The following CNTLN variants were observed in gnomAD, a reference collection of about 807,000 sequenced individuals.
CNTLN encodes centlein.
In CNTLN, 212 loss-of-function variants were observed where a neutral mutation model predicts 180.0. That is an observed-to-expected ratio of 1.18 (90% CI 1.05 to 1.32). The LOEUF (loss-of-function observed/expected upper bound fraction) is 1.32. CNTLN is among the 40% of genes most tolerant of loss of function. The probability of loss-of-function intolerance (pLI) is 0.00; values close to 1 mark genes in which losing one functional copy is unlikely to be tolerated. For missense variants in CNTLN, 2,095 were observed against 1,610.9 expected (o/e 1.30, Z -5.14); for synonymous variants, 722 against 563.1 (o/e 1.28, Z -3.99).
At chr9:17,512,979 G>C in the CNTLN span, among the ~76,000 whole-genome samples, 2 of 152,030 alleles carry the variant, frequency 1.3e-5, no homozygotes, top group African/African-American at 4.8e-5. Flanking sequence ...ACTATGCCCA[G>C]CTAATTTTTT....
intron 6 of CNTLN, among the ~76,000 whole-genome samples, chr9:17,274,465 C>CTGTCTATG (rs764538609): frequency 2.5e-3 from 350 of 141,328 alleles, no homozygotes; most frequent in East Asian, 5.7e-3. Flanking sequence ...ATCTATCTAT[C>CTGTCTATG]TATCTATCTA....
At chr9:17,445,279 G>A (rs2134071097) in intron 18 of CNTLN, among the ~76,000 whole-genome samples, 1 of 152,140 alleles carries the variant, frequency 6.6e-6, no homozygotes, top group East Asian at 1.9e-4. Flanking sequence ...GAAATTCCCT[G>A]ACTGGCTTTC....
chr9:17,352,597 T>C (rs1291046429), intron 12 of CNTLN, among the ~76,000 whole-genome samples: 1 of 152,088 alleles, frequency 6.6e-6, no homozygotes, highest in African/African-American at 2.4e-5. Flanking sequence ...AGCATAGAAT[T>C]CAGTGGCATT....
chr9:17,468,975 G>A (rs571845245), intron 23 of CNTLN, among the ~76,000 whole-genome samples: 1 of 151,708 alleles, frequency 6.6e-6, no homozygotes, highest in Admixed American at 6.6e-5. Flanking sequence ...TTATATAATA[G>A]GGAAAGATGA....
At chr9:17,496,879 C>T (rs772585824) in intron 25 of CNTLN, among the ~76,000 whole-genome samples, 3 of 152,138 alleles carry the variant, frequency 2.0e-5, no homozygotes, top group Admixed American at 6.5e-5. Flanking sequence ...CATTTGAGAA[C>T]GAAGTCAGTC....
At chr9:17,492,320 C>A (rs1324141600) in intron 25 of CNTLN, among the ~76,000 whole-genome samples, 2 of 151,372 alleles carry the variant, frequency 1.3e-5, no homozygotes, top group African/African-American at 4.9e-5. Context: ...GTTTTACCTC[C>A]TCTAATATAT....
intron 23 of CNTLN, among the ~76,000 whole-genome samples, chr9:17,474,845 G>C (rs949294089): frequency 6.6e-6 from 1 of 150,786 alleles, no homozygotes; most frequent in Non-Finnish European, 1.5e-5. Context: ...TCTAGCCTGG[G>C]TGACAGAGTG....
At chr9:17,197,837 A>G (rs1221983644) in intron 2 of CNTLN, among the ~76,000 whole-genome samples, 1 of 152,006 alleles carries the variant, frequency 6.6e-6, no homozygotes, top group African/African-American at 2.4e-5. Flanking sequence ...GAGTTCCCCC[A>G]ATGTTTTCTT....
chr9:17,345,172 A>T (rs1419457613), intron 12 of CNTLN, among the ~76,000 whole-genome samples: 1 of 152,200 alleles, frequency 6.6e-6, no homozygotes, highest in East Asian at 1.9e-4. Context: ...GCTGCTATAG[A>T]CAGGTTTTTG....
At chr9:17,340,032 C>G (rs1233181238) in intron 10 of CNTLN, among the ~76,000 whole-genome samples, 2 of 152,076 alleles carry the variant, frequency 1.3e-5, no homozygotes, top group African/African-American at 2.4e-5. Flanking sequence ...TACTGTATGC[C>G]TGTAGTCCTA....
chr9:17,187,114 A>G (rs1233644842), intron 2 of CNTLN, among the ~76,000 whole-genome samples: 2 of 152,136 alleles, frequency 1.3e-5, no homozygotes, highest in Non-Finnish European at 2.9e-5. Context: ...GAATGAGCGC[A>G]TACATGGAAT....
intron 8 of CNTLN, among the ~76,000 whole-genome samples, chr9:17,324,837 G>A (rs1820155155): frequency 6.6e-6 from 1 of 152,004 alleles, no homozygotes; most frequent in Non-Finnish European, 1.5e-5. Context: ...TGACTGACTT[G>A]TTTATTACTG....
intron 18 of CNTLN, among the ~76,000 whole-genome samples, chr9:17,420,072 G>A (rs1488337352): frequency 1.3e-5 from 2 of 151,996 alleles, no homozygotes; most frequent in Admixed American, 6.6e-5. Flanking sequence ...GCAACACCAC[G>A]CCTGGCTAAC....
chr9:17,274,198 A>T (rs1358567010), intron 6 of CNTLN, among the ~76,000 whole-genome samples: 2 of 152,124 alleles, frequency 1.3e-5, no homozygotes, highest in African/African-American at 4.8e-5. Flanking sequence ...AACAATAGTA[A>T]CTGAGAAACA....
At chr9:17,289,169 G>T (rs1293026774) in intron 6 of CNTLN, among the ~76,000 whole-genome samples, 2 of 115,552 alleles carry the variant, frequency 1.7e-5, no homozygotes, top group Non-Finnish European at 1.7e-5. Flanking sequence ...TCCATGTTTA[G>T]CGCTTCCTTC....
intron 6 of CNTLN, among the ~76,000 whole-genome samples, chr9:17,283,435 G>A (rs1171964300): frequency 6.6e-6 from 1 of 152,040 alleles, no homozygotes; most frequent in Non-Finnish European, 1.5e-5. Context: ...TGTGATTTTT[G>A]CAGTTGATTT....
At chr9:17,370,616 C>T (rs1336836515) in intron 13 of CNTLN, among the ~76,000 whole-genome samples, 2 of 151,988 alleles carry the variant, frequency 1.3e-5, no homozygotes, top group African/African-American at 4.8e-5. Context: ...TCTGAAGGTA[C>T]AAAAGTCACT....
chr9:17,258,095 G>A (rs1428362596), intron 5 of CNTLN, among the ~76,000 whole-genome samples: 5 of 149,224 alleles, frequency 3.4e-5, no homozygotes, highest in African/African-American at 1.0e-4. Flanking sequence ...TTCTTCTAGG[G>A]TTTTTATGGT....
chr9:17,159,802 T>C (rs1205340722), intron 2 of CNTLN, among the ~76,000 whole-genome samples: 1 of 152,188 alleles, frequency 6.6e-6, no homozygotes, highest in Non-Finnish European at 1.5e-5. Context: ...TTGCCTTTCA[T>C]ACTGATTGAT....
Sources: gnomAD v4.1 joint callset for allele counts (sites outside exome capture counted in the v4.1 genomes callset) on GRCh38, gnomAD v4.1.1 for gene constraint, MANE v1.5 for transcripts, NCBI Gene and HGNC (gene_info 2026-07-23, HGNC 2026-07-21) for gene names.